The following SORCS3 variants were observed in gnomAD, a reference collection of about 807,000 sequenced individuals.
The protein encoded by SORCS3 is VPS10 domain-containing receptor SorCS3.
Under a neutral mutation model 146.3 loss-of-function variants are expected in SORCS3, and 57 were observed. The ratio of observed to expected loss-of-function variants is 0.39; its 90% CI spans 0.31 to 0.49. The LOEUF is 0.49. SORCS3 is among the 20% of genes least tolerant of loss of function. The probability of loss-of-function intolerance (pLI) is 0.92; values close to 1 mark genes in which losing one functional copy is unlikely to be tolerated. For missense variants in SORCS3, 1,341 were observed against 1,575.5 expected (o/e 0.85, Z 2.52); for synonymous variants, 653 against 618.5 (o/e 1.06, Z -0.83).
At chr10:105,076,873 G>A (rs1447619125) in intron 5 of SORCS3, among the ~76,000 whole-genome samples, 1 of 152,120 alleles carries the variant, frequency 6.6e-6, no homozygotes, top group East Asian at 1.9e-4. Context: ...AATTTTCGTG[G>A]ATTTTCACTA....
At chr10:105,190,032 G>A (rs1408735244) in intron 14 of SORCS3, among the ~76,000 whole-genome samples, 1 of 152,122 alleles carries the variant, frequency 6.6e-6, no homozygotes, top group East Asian at 1.9e-4. Flanking sequence ...ATATTTCAAG[G>A]CATTTCTGCC....
At chr10:104,813,639 A>C (rs2017763931) in intron 1 of SORCS3, among the ~76,000 whole-genome samples, 2 of 152,146 alleles carry the variant, frequency 1.3e-5, no homozygotes, top group Non-Finnish European at 2.9e-5. Flanking sequence ...GGCCTGTCCC[A>C]CACCCCTTAG....
intron 5 of SORCS3, among the ~76,000 whole-genome samples, chr10:105,055,050 C>A (rs755819355): frequency 3.9e-5 from 6 of 152,008 alleles, no homozygotes; most frequent in Non-Finnish European, 8.8e-5. Context: ...TTTTCAATAT[C>A]CAGTTTTGAG....
intron 2 of SORCS3, among the ~76,000 whole-genome samples, chr10:104,850,793 T>C (rs756351779): frequency 3.9e-5 from 6 of 152,234 alleles, no homozygotes; most frequent in Non-Finnish European, 8.8e-5. Flanking sequence ...GTCTCTGCCA[T>C]ACTGGGAAGT....
intron 3 of SORCS3, among the ~76,000 whole-genome samples, chr10:104,959,059 C>T (rs1343251403): frequency 6.6e-6 from 1 of 152,086 alleles, no homozygotes; most frequent in Non-Finnish European, 1.5e-5. Context: ...CCCCTAGAGC[C>T]TCCAGAAAGG....
chr10:104,702,323 G>A (rs573469613), intron 1 of SORCS3, among the ~76,000 whole-genome samples: 5 of 152,012 alleles, frequency 3.3e-5, no homozygotes, highest in Non-Finnish European at 7.4e-5. Flanking sequence ...TCTCTTTGTC[G>A]CCCAGGCTGC....
intron 5 of SORCS3, among the ~76,000 whole-genome samples, chr10:105,063,882 G>C (rs2055504439): frequency 6.6e-6 from 1 of 152,220 alleles, no homozygotes; most frequent in Admixed American, 6.5e-5. Flanking sequence ...GCTAGAGAAA[G>C]CTGAACAAGT....
intron 1 of SORCS3, among the ~76,000 whole-genome samples, chr10:104,754,478 A>G (rs1046020449): frequency 6.6e-6 from 1 of 152,074 alleles, no homozygotes; most frequent in Non-Finnish European, 1.5e-5. Flanking sequence ...CTGCATACCT[A>G]TAGGTATGGC....
intron 4 of SORCS3, among the ~76,000 whole-genome samples, chr10:104,989,776 G>T (rs987487432): frequency 6.6e-6 from 1 of 152,208 alleles, no homozygotes; most frequent in Admixed American, 6.5e-5. Context: ...CAGTGGAAGA[G>T]GAGGCACAAT....
rs117213127 is a variant in SORCS3 at position 104,821,062 on chromosome 10, G to A, written c.628-21730G>A. 8.2e-3 allele frequency among the ~76,000 whole-genome samples: 1,253 copies of A among 152,284 alleles called. 28 individuals are homozygous for A. Among genetic ancestry groups the A allele is most frequent in the Admixed American group, 0.04 (616 of 15,300 alleles). On this transcript the variant is annotated intron_variant, in intron 1 of 26. Transcript: ENST00000369701. ...ATCCAACAGCTCAAATGATGATGTC[G>A]TCAAAGACTTAGATTTTCTTAGTAT... is the stretch of plus-strand genomic sequence containing the variant.
At chr10:104,702,311 T>G (rs1775596842) in intron 1 of SORCS3, among the ~76,000 whole-genome samples, 1 of 152,182 alleles carries the variant, frequency 6.6e-6, no homozygotes, top group Non-Finnish European at 1.5e-5. Context: ...TGAGACCTAG[T>G]CTCTCTTTGT....
chr10:104,876,257 G>A (rs1056569596), intron 2 of SORCS3, among the ~76,000 whole-genome samples: 5 of 152,156 alleles, frequency 3.3e-5, no homozygotes, highest in Admixed American at 6.5e-5. Context: ...TTGGATAAAC[G>A]TGTCATCAGG....
At chr10:105,023,244 T>C (rs555097290) in intron 4 of SORCS3, among the ~76,000 whole-genome samples, 1 of 152,358 alleles carries the variant, frequency 6.6e-6, no homozygotes, top group South Asian at 2.1e-4. Context: ...TTTCATTCAG[T>C]TACTGGCTTC....
chr10:105,260,498 A>G (rs775525307), intron 25 of SORCS3, among the ~76,000 whole-genome samples: 1 of 152,214 alleles, frequency 6.6e-6, no homozygotes, highest in Non-Finnish European at 1.5e-5. Flanking sequence ...CTTGTAAATT[A>G]TATTAAACTG....
chr10:104,667,112 T>C (rs2015789217), intron 1 of SORCS3, among the ~76,000 whole-genome samples: 1 of 152,208 alleles, frequency 6.6e-6, no homozygotes, highest in South Asian at 2.1e-4. Context: ...GACATGATGC[T>C]TTCAGTGAGG....
At chr10:104,896,625 A>T (rs2133586996) in intron 2 of SORCS3, among the ~76,000 whole-genome samples, 1 of 152,390 alleles carries the variant, frequency 6.6e-6, no homozygotes, top group African/African-American at 2.4e-5. Context: ...GGTGGCCCAC[A>T]GGCCAAATGT....
chr10:104,767,470 GCTGATTC>G (rs2017193999), intron 1 of SORCS3, among the ~76,000 whole-genome samples: 1 of 152,142 alleles, frequency 6.6e-6, no homozygotes, highest in South Asian at 2.1e-4. Context: ...ATTTTGTAAT[GCTGATTC>G]CAGAGGACTT....
intron 4 of SORCS3, among the ~76,000 whole-genome samples, chr10:105,018,146 G>T (rs1164185547): frequency 6.6e-6 from 1 of 152,196 alleles, no homozygotes; most frequent in Non-Finnish European, 1.5e-5. Context: ...TGCCAGTGTT[G>T]CTGTCTTGTT....
chr10:104,807,306 A>C (rs1399446847), intron 1 of SORCS3, among the ~76,000 whole-genome samples: 1 of 152,166 alleles, frequency 6.6e-6, no homozygotes, highest in Admixed American at 6.5e-5. Flanking sequence ...AATATGGTAC[A>C]TTCTGTTTGG....
Sources: gnomAD v4.1 joint callset for allele counts (sites outside exome capture counted in the v4.1 genomes callset) on GRCh38, gnomAD v4.1.1 for gene constraint, MANE v1.5 for transcripts, NCBI Gene and HGNC (gene_info 2026-07-23, HGNC 2026-07-21) for gene names.